The following EFCAB5 variants were observed in gnomAD, a reference collection of about 807,000 sequenced individuals.
EFCAB5 encodes EF-hand calcium binding domain 5, also known as EF-hand calcium-binding domain-containing protein 5.
In EFCAB5, 131 loss-of-function variants were observed where a neutral mutation model predicts 167.9. The observed-to-expected ratio is 0.78, with a 90% confidence interval of 0.68 to 0.90. The LOEUF (loss-of-function observed/expected upper bound fraction) is 0.90, where lower values mean the gene tolerates loss of function less well. Ranked by LOEUF, EFCAB5 falls within the 40% of genes least tolerant of loss-of-function variation. The pLI, the probability that EFCAB5 is intolerant of heterozygous loss-of-function variation, is 0.00. For synonymous variants in EFCAB5, 574 were observed against 602.8 expected (o/e 0.95, Z 0.70); for missense variants, 1,663 against 1,745.2 (o/e 0.95, Z 0.84).
At position 30,076,075 on chromosome 17, in the gene EFCAB5, C is replaced by T. The variant is rs535162610; in HGVS notation, c.2738-2140C>T. 2.6e-5 allele frequency among the ~76,000 whole-genome samples: 4 copies of T among 152,320 alleles called. No homozygotes were observed. The East Asian group carries it at 7.7e-4, about 29-fold the overall frequency. On this transcript the variant is annotated intron_variant, in intron 14 of 22. Coordinates refer to ENST00000394835, the MANE Select transcript of EFCAB5 (RefSeq NM_198529.4). Reference sequence around the variant, plus strand: ...AGTCCGGTACTAGTTTAGGACACAACTAGATTTGGGAGTCCAAATAATGAC... The same window carrying T: ...AGTCCGGTACTAGTTTAGGACACAATTAGATTTGGGAGTCCAAATAATGAC...
chr17:30,039,499 T>C (rs2069712107), intron 8 of EFCAB5, among the ~76,000 whole-genome samples: 1 of 152,156 alleles, frequency 6.6e-6, no homozygotes, highest in Admixed American at 6.5e-5. Context: ...GACAACTCTC[T>C]ACTTCAGAAA....
At chr17:30,081,843 GT>G in intron 17 of EFCAB5, among the ~76,000 whole-genome samples, 1 of 152,216 alleles carries the variant, frequency 6.6e-6, no homozygotes, top group Non-Finnish European at 1.5e-5. Context: ...AAATGGAGGA[GT>G]ATGGAGTTAT....
At chr17:30,004,787 A>ATTTTTTTTTTTTTTTTTTTTT (rs60231360) in intron 7 of EFCAB5, among the ~76,000 whole-genome samples, 2 of 115,138 alleles carry the variant, frequency 1.7e-5, no homozygotes, top group Non-Finnish European at 1.7e-5. Flanking sequence ...CTCCTGGCTA[A>ATTTTTTTTTTTTTTTTTTTTT]TTTTTTTTTT....
intron 3 of EFCAB5, among the ~76,000 whole-genome samples, 169 bp from the exon 4 acceptor site, chr17:29,968,622 T>A (rs2067882900): frequency 6.6e-6 from 1 of 152,366 alleles, no homozygotes; most frequent in Middle Eastern, 3.4e-3. Context: ...CAACAATAAA[T>A]GTCTTTATGG....
Position 30,107,974 on chromosome 17 carries a change from G to T in EFCAB5, c.4462G>T (p.Asp1488Tyr). The part of the protein sequence containing the change: ...GITPPLPSKT[D>Y]NYMYAKMPGE... ...TACACCTCCGTTGCCCTCCAAGACT[G>T]ACAATTATATGTATGCAAAAATGCC... The change falls in exon 23 of 23, where the codon GAC becomes TAC. Residue 1488 changes from aspartate (D) to tyrosine (Y), a missense_variant. Physicochemically the swap from Asp to Tyr is radical, Grantham distance 160. Transcript: ENST00000394835. 2 of 1,608,934 alleles carry T rather than the reference G, an allele frequency of 1.2e-6. No individual in the cohort carries two copies. The highest frequency in any genetic ancestry group is 2.2e-5 in the South Asian group (2 of 89,634).
intron 7 of EFCAB5, among the ~76,000 whole-genome samples, chr17:30,020,584 A>G (rs905645443): frequency 3.9e-5 from 6 of 151,908 alleles, no homozygotes; most frequent in Admixed American, 1.3e-4. Flanking sequence ...CAAACTCCTG[A>G]CCTCAGGTGA....
At chr17:29,958,175 G>A (rs552086381) in intron 3 of EFCAB5, among the ~76,000 whole-genome samples, 1 of 152,216 alleles carries the variant, frequency 6.6e-6, no homozygotes, top group South Asian at 2.1e-4. Context: ...TATTGTAGCT[G>A]AATATTGTTA....
chr17:30,024,890 A>G (rs1289910596), intron 7 of EFCAB5, among the ~76,000 whole-genome samples: 9 of 151,566 alleles, frequency 5.9e-5, no homozygotes, highest in African/African-American at 9.7e-5. Flanking sequence ...CATATCTACA[A>G]CTATCTGATC....
intron 3 of EFCAB5, among the ~76,000 whole-genome samples, chr17:29,965,826 T>G (rs962172544): frequency 3.3e-5 from 5 of 152,240 alleles, no homozygotes; most frequent in African/African-American, 1.2e-4. Context: ...CAGTAAAGTT[T>G]TATAGCTTTC....
At chr17:29,990,303 A>G (rs2068385995) in intron 4 of EFCAB5, among the ~76,000 whole-genome samples, 1 of 152,086 alleles carries the variant, frequency 6.6e-6, no homozygotes, top group Non-Finnish European at 1.5e-5. Flanking sequence ...TAGTTATAGG[A>G]TGTTTATCAG....
intron 3 of EFCAB5, among the ~76,000 whole-genome samples, chr17:29,957,580 T>C (rs1014892526): frequency 6.6e-6 from 1 of 152,146 alleles, no homozygotes; most frequent in Non-Finnish European, 1.5e-5. Flanking sequence ...ACATGCGGTG[T>C]TTGGTTTTTT....
rs751860319 is a variant in EFCAB5 at position 30,107,932 on chromosome 17, CA to C, written c.4422del (p.Gln1474HisfsTer2). 1.6e-5 allele frequency: 26 copies of C among 1,611,408 alleles called. No homozygotes were observed. The highest frequency in any genetic ancestry group is 3.4e-5 in the Admixed American group (2 of 59,284). On this transcript the variant is annotated frameshift_variant, in exon 23 of 23. Transcript: ENST00000394835. LOFTEE classifies it low-confidence loss of function (END_TRUNC). ...TTCAGCTCTCATGAAGATAACCAAA[CA>C]ACTAAATAGTGGTATTACACCTCCG... ...ICSALMKITK[Q>X]LNSGITPPLP... is the part of the protein sequence containing the mutation.
intron 3 of EFCAB5, among the ~76,000 whole-genome samples, chr17:29,950,261 T>G (rs956488803): frequency 6.6e-6 from 1 of 151,870 alleles, no homozygotes; most frequent in Non-Finnish European, 1.5e-5. Context: ...CCTTATGATA[T>G]CCTTCCTTTC....
At chr17:30,068,625 C>T in intron 14 of EFCAB5, 6 of 1,494,770 alleles carry the variant, frequency 4.0e-6, no homozygotes. Context: ...CTGTGCGGGT[C>T]GCTAGGGCGG....
intron 3 of EFCAB5, among the ~76,000 whole-genome samples, chr17:29,966,193 A>G (rs1007414437): frequency 6.6e-6 from 1 of 152,204 alleles, no homozygotes; most frequent in Admixed American, 6.5e-5. Context: ...TTACAAATGG[A>G]AACTCCATTT....
At chr17:29,974,393 T>C (rs978367311) in intron 4 of EFCAB5, among the ~76,000 whole-genome samples, 4 of 151,512 alleles carry the variant, frequency 2.6e-5, no homozygotes, top group Non-Finnish European at 5.9e-5. Flanking sequence ...AATAAAAAAA[T>C]TATCTTGGCT....
At position 30,090,461 on chromosome 17, in the gene EFCAB5, C is replaced by T. The variant is rs376701227; in HGVS notation, c.3724C>T (p.Leu1242=). Residue 1242 remains leucine, a synonymous_variant, in exon 20 of 23, where the codon CTG becomes TTG. Coordinates refer to ENST00000394835, the MANE Select transcript of EFCAB5 (RefSeq NM_198529.4). The part of the protein sequence containing the change: ...FKCTDSSEVV[L]ASACGETHIV... ...ATGTACTGACAGTTCAGAAGTTGTT[C>T]TGGCTTCTGCCTGTGGAGAAACGCA... 4.8e-5 allele frequency: 77 copies of T among 1,613,830 alleles called. No individual in the cohort carries two copies. Among genetic ancestry groups the T allele is most frequent in the Non-Finnish European group, 6.2e-5 (73 of 1,179,880 alleles).
chr17:30,080,036 G>A (rs1198572444), intron 15 of EFCAB5, 36 bp from the exon 16 acceptor site: 7 of 1,575,516 alleles, frequency 4.4e-6, no homozygotes, highest in Non-Finnish European at 5.2e-6. Context: ...TTCTTTGGCT[G>A]TTGGCAAACA....
chr17:30,059,475 T>C, intron 13 of EFCAB5, 70 bp from the exon 14 acceptor site: 1 of 1,437,586 alleles, frequency 7.0e-7, no homozygotes, highest in South Asian at 1.7e-5. Flanking sequence ...TTTTTTGGAA[T>C]AAACACAGAA....
Sources: gnomAD v4.1 joint callset for allele counts (sites outside exome capture counted in the v4.1 genomes callset) on GRCh38, gnomAD v4.1.1 for gene constraint, MANE v1.5 for transcripts, NCBI Gene and HGNC (gene_info 2026-07-23, HGNC 2026-07-21) for gene names.